RBMS3: variants seen among roughly 807,000 people sequenced by gnomAD.
The protein encoded by RBMS3 is RNA binding motif single stranded interacting protein 3.
RBMS3 carries 27 observed loss-of-function variants against 66.8 expected under a neutral mutation model. The observed-to-expected ratio is 0.40, with a 90% CI of 0.30 to 0.56. RBMS3 has a LOEUF of 0.56. Ranked by LOEUF, RBMS3 falls within the 20% of genes least tolerant of loss-of-function variation. RBMS3 has a pLI of 0.40. For synonymous variants in RBMS3, 188 were observed against 183.0 expected (o/e 1.03, Z -0.22); for missense variants, 513 against 549.5 (o/e 0.93, Z 0.66).
At chr3:29,590,051 T>C (rs2047671670) in intron 4 of RBMS3, among the ~76,000 whole-genome samples, 1 of 151,882 alleles carries the variant, frequency 6.6e-6, no homozygotes, top group African/African-American at 2.4e-5. Context: ...ATGAACATTT[T>C]TCTGTATACT....
At chr3:29,404,547 C>T (rs2039936443) in intron 1 of RBMS3, among the ~76,000 whole-genome samples, 1 of 152,036 alleles carries the variant, frequency 6.6e-6, no homozygotes, top group African/African-American at 2.4e-5. Flanking sequence ...AGGATTTTCC[C>T]TTAATTGCAA....
At chr3:29,955,255 G>A (rs1695951974) in intron 12 of RBMS3, among the ~76,000 whole-genome samples, 1 of 151,944 alleles carries the variant, frequency 6.6e-6, no homozygotes, top group Admixed American at 6.6e-5. Flanking sequence ...CTTGAAAGGA[G>A]TCAGCGGGTT....
intron 3 of RBMS3, among the ~76,000 whole-genome samples, chr3:29,581,979 T>C (rs1215998402): frequency 6.6e-6 from 1 of 152,168 alleles, no homozygotes; most frequent in Non-Finnish European, 1.5e-5. Flanking sequence ...CACAGAAGTA[T>C]AAAATAAGCT....
intron 6 of RBMS3, among the ~76,000 whole-genome samples, chr3:29,840,629 TCTCAGA>T (rs1382818770): frequency 6.6e-6 from 1 of 152,044 alleles, no homozygotes; most frequent in Admixed American, 6.6e-5. Context: ...CTCGAAATGG[TCTCAGA>T]GATACCTGAA....
intron 6 of RBMS3, among the ~76,000 whole-genome samples, chr3:29,821,866 G>T (rs1646867365): frequency 6.6e-6 from 1 of 152,086 alleles, no homozygotes; most frequent in Non-Finnish European, 1.5e-5. Context: ...ATCAGATTCT[G>T]ATGGAAAGTG....
chr3:29,906,049 T>C (rs1157421780), intron 10 of RBMS3, among the ~76,000 whole-genome samples: 3 of 152,124 alleles, frequency 2.0e-5, no homozygotes, highest in Non-Finnish European at 2.9e-5. Context: ...ATTTACAACA[T>C]TGAATTTTTC....
intron 6 of RBMS3, among the ~76,000 whole-genome samples, chr3:29,867,676 C>T (rs2059394764): frequency 6.6e-6 from 1 of 151,296 alleles, no homozygotes. Flanking sequence ...CATTTGCTAA[C>T]ATCCCATTGG....
At chr3:29,739,014 G>T (rs1042116044) in intron 4 of RBMS3, among the ~76,000 whole-genome samples, 7 of 152,110 alleles carry the variant, frequency 4.6e-5, no homozygotes, top group Non-Finnish European at 2.9e-5. Flanking sequence ...TTAAGTGTTT[G>T]GAACAATGCT....
rs932604533 is a variant in RBMS3, at chr3:29,820,238, A to G, written c.638-48620A>G. On this transcript the variant is annotated intron_variant, in intron 6 of 14. Transcript: ENST00000383767. ...AAAAAAAAAAAAAAAAAAAAAAAAAAAAAATTAGGTGGCAGAAATGGTAAA... is the reference window on the plus strand; with the variant it reads ...AAAAAAAAAAAAAAAAAAAAAAAAAGAAAATTAGGTGGCAGAAATGGTAAA... Among the ~76,000 whole-genome samples, 118 of 140,074 alleles carry G rather than the reference A, an allele frequency of 8.4e-4. 1 individual carries two copies. The highest frequency in any genetic ancestry group is 3.0e-3 in the African/African-American group (113 of 38,202). 91.9% of individuals were successfully genotyped at this position (140,074 alleles called of 152,430 possible). A position where few individuals can be genotyped will look rare whatever the true frequency, so the allele number is the denominator to read the frequency against.
chr3:29,414,985 C>T (rs1170171553), intron 1 of RBMS3, among the ~76,000 whole-genome samples: 1 of 151,974 alleles, frequency 6.6e-6, no homozygotes, highest in Non-Finnish European at 1.5e-5. Flanking sequence ...CTTTTTTCTC[C>T]CATAATAGAA....
At position 29,281,172 on chromosome 3, in the gene RBMS3, T is replaced by C. The variant is rs1333783415; in HGVS notation, c.-510T>C. ...TTTTTTTTTTCTTTTTCCCCTTTCT[T>C]TTTCTTTCTTTCTTTCTTTTTCTTT... is the stretch of plus-strand genomic sequence containing the variant. On this transcript the variant is annotated 5_prime_UTR_variant, in exon 1 of 15. Transcript: ENST00000383767. 2 of 146,710 alleles carry C rather than the reference T, an allele frequency of 1.4e-5. No homozygotes were observed. Among genetic ancestry groups the C allele is most frequent in the East Asian group, 2.0e-4 (1 of 5,036 alleles). 9.1% of individuals were successfully genotyped at this position (146,710 alleles called of 1,614,324 possible).
intron 2 of RBMS3, among the ~76,000 whole-genome samples, chr3:29,462,574 G>A (rs1489231141): frequency 6.6e-6 from 1 of 152,190 alleles, no homozygotes; most frequent in Non-Finnish European, 1.5e-5. Context: ...CTGGGATAAT[G>A]CTACCCACTC....
At chr3:29,604,860 G>A (rs1002449593) in intron 4 of RBMS3, among the ~76,000 whole-genome samples, 1 of 151,848 alleles carries the variant, frequency 6.6e-6, no homozygotes, top group Non-Finnish European at 1.5e-5. Context: ...AAATTTGGTT[G>A]GCATTTGTCT....
At chr3:29,868,065 G>A (rs1292518385) in intron 6 of RBMS3, among the ~76,000 whole-genome samples, 1 of 151,518 alleles carries the variant, frequency 6.6e-6, no homozygotes, top group South Asian at 2.1e-4. Context: ...GAGAACATCA[G>A]TTCTCAAAGA....
intron 3 of RBMS3, among the ~76,000 whole-genome samples, chr3:29,497,170 T>C (rs2148929263): frequency 6.6e-6 from 1 of 152,168 alleles, no homozygotes; most frequent in African/African-American, 2.4e-5. Flanking sequence ...CTACCATGCC[T>C]GGCTAATTTT....
chr3:29,472,599 G>C (rs190170641), intron 2 of RBMS3, among the ~76,000 whole-genome samples: 5 of 152,096 alleles, frequency 3.3e-5, no homozygotes, highest in Non-Finnish European at 5.9e-5. Flanking sequence ...CTTCCTTTTG[G>C]TGGGTTCGTG....
At chr3:29,537,836 A>AAAAAG (rs1553618038) in intron 3 of RBMS3, among the ~76,000 whole-genome samples, 14 of 150,912 alleles carry the variant, frequency 9.3e-5, no homozygotes, top group African/African-American at 3.2e-4. Flanking sequence ...AAAAAAAAAA[A>AAAAAG]AAAGAAAGAA....
chr3:29,905,826 G>A (rs1014258042), intron 10 of RBMS3, among the ~76,000 whole-genome samples: 1 of 152,196 alleles, frequency 6.6e-6, no homozygotes, highest in South Asian at 2.1e-4. Context: ...ATTCAAAGCC[G>A]TTGTGGGCTG....
chr3:29,774,336 T>C (rs1272508137), intron 6 of RBMS3, among the ~76,000 whole-genome samples: 1 of 152,024 alleles, frequency 6.6e-6, no homozygotes, highest in African/African-American at 2.4e-5. Context: ...TAACAGCAGA[T>C]AAAACCGTGA....
Sources: allele counts gnomAD v4.1 joint callset (sites outside exome capture counted in the v4.1 genomes callset), GRCh38; gene constraint gnomAD v4.1.1; transcripts MANE v1.5; gene names NCBI Gene and HGNC (gene_info 2026-07-23, HGNC 2026-07-21).